The following UBA1 variants were observed in gnomAD, a reference collection of about 807,000 sequenced individuals.
UBA1 encodes ubiquitin like modifier activating enzyme 1, also known as ubiquitin-like modifier-activating enzyme 1.
UBA1 carries 4 observed loss-of-function variants against 84.7 expected under a neutral mutation model. The ratio of observed to expected loss-of-function variants is 0.05; its 90% CI spans 0.02 to 0.11. The LOEUF is 0.11. Among genes scored for constraint, UBA1 ranks in the 10% least tolerant of loss-of-function variants. UBA1 has a pLI of 1.00. For synonymous variants in UBA1, 364 were observed against 362.6 expected, an observed-to-expected ratio of 1.00 and a Z score of -0.04; for missense variants, 513 against 902.8, an observed-to-expected ratio of 0.57 and a Z score of 5.53.
chrX:47,197,946 A>G, intron 1 of UBA1: 1 of 825,468 alleles, frequency 1.2e-6, no homozygotes, highest in Non-Finnish European at 1.5e-6. Flanking sequence ...AGTGCTTACT[A>G]TGGCATCTGG....
chrX:47,207,081 T>A (rs1242817221), intron 16 of UBA1, among the ~76,000 whole-genome samples: 3 of 111,649 alleles, frequency 2.7e-5, no homozygotes, highest in Non-Finnish European at 3.8e-5. Context: ...GAGAACTACT[T>A]CTGTCTAACA....
intron 16 of UBA1, 81 bp downstream of exon 16, chrX:47,206,525 C>T: frequency 9.8e-7 from 1 of 1,023,495 alleles, no homozygotes; most frequent in Non-Finnish European, 1.4e-6. Context: ...CTTGCCTTGC[C>T]TTCAGATGTT....
At chrX:47,203,852 G>A (rs1936526996) in intron 14 of UBA1, among the ~76,000 whole-genome samples, 156 bp downstream of exon 14, 2 of 106,292 alleles carry the variant, frequency 1.9e-5, no homozygotes, top group Non-Finnish European at 1.9e-5. Context: ...GGGTTCAAGC[G>A]ATTCTCCTGC....
rs374015620 is a variant in UBA1, at chrX:47,198,790, T to C, written c.1-13T>C. 3.0e-5 allele frequency: 36 copies of C among 1,208,766 alleles called. No homozygotes were observed. In the African/African-American group the frequency reaches 6.1e-4, roughly 21 times the overall value. On this transcript the variant is annotated splice_polypyrimidine_tract_variant and intron_variant, in intron 1 of 25. Transcript: ENST00000335972. ...TGTGCTCCAGGGTCACCTCTGACCT[T>C]TTTTTCCTCCAGATGTCCAGCTCGC... is the stretch of plus-strand genomic sequence containing the variant.
Position 47,203,017 on chromosome X carries a change from A to G in UBA1, c.1308A>G (p.Lys436=). ...CCCTTGAGTGTCTCCCTGAGGACAAAGAGGTCCTCACAGAGGACAAGTGCC... is the reference window on the plus strand; with the variant it reads ...CCCTTGAGTGTCTCCCTGAGGACAAGGAGGTCCTCACAGAGGACAAGTGCC... ...FDALECLPED[K]EVLTEDKCLQ... Residue 436 remains lysine, a synonymous_variant, in exon 12 of 26, where the codon AAA becomes AAG. Transcript: ENST00000335972. The G allele has an allele frequency of 8.3e-7, 1 of 1,210,625 alleles. No individual in the cohort carries two copies. The highest frequency in any genetic ancestry group is 1.7e-5 in the African/African-American group (1 of 57,866).
chrX:47,209,747 G>A, intron 17 of UBA1, 60 bp downstream of exon 17: 1 of 1,152,930 alleles, frequency 8.7e-7, no homozygotes, highest in Non-Finnish European at 1.2e-6. Context: ...CATCCCGGCT[G>A]CTTTCCTCAT....
Position 47,203,029 on chromosome X carries a change from A to G in UBA1, c.1320A>G (p.Thr440=), listed in dbSNP as rs782550013. The change falls in exon 12 of 26, where the codon ACA becomes ACG. Residue 440 remains threonine (T), a synonymous_variant. Transcript: ENST00000335972. ...TCCCTGAGGACAAAGAGGTCCTCAC[A>G]GAGGACAAGTGCCTCCAGGTATGTG... ...ECLPEDKEVL[T]EDKCLQRQNR... 8.3e-7 allele frequency: 1 copy of G among 1,209,569 alleles called. No individual in the cohort carries two copies. The highest frequency in any genetic ancestry group is 1.1e-6 in the Non-Finnish European group (1 of 893,164).
At chrX:47,193,009 G>A (rs1320387391), upstream of UBA1, among the ~76,000 whole-genome samples, 1 of 111,516 alleles carries the variant, frequency 9.0e-6, no homozygotes, top group African/African-American at 3.3e-5. Context: ...GAGAATGGAG[G>A]GAGGCGTGGA....
At position 47,205,713 on chromosome X, in the gene UBA1, G is replaced by T; in HGVS notation, c.1576-235G>T. 1.6e-5 allele frequency: 7 copies of T among 436,711 alleles called. No homozygotes were observed. The South Asian group carries it at 2.3e-4, about 14-fold the overall frequency. 36.0% of individuals were successfully genotyped at this position (436,711 alleles called of 1,213,427 possible). A position where few individuals can be genotyped will look rare whatever the true frequency, so the allele number is the denominator to read the frequency against. On this transcript the variant is annotated intron_variant, in intron 14 of 25. Transcript: ENST00000335972. ...TACCAAAAATACAAAAATTAGCCAC[G>T]CATGGTGGCACACACCTGTGGTCCC...
intron 6 of UBA1, 28 bp from the exon 7 acceptor site, chrX:47,201,248 G>A: frequency 8.5e-7 from 1 of 1,171,658 alleles, no homozygotes; most frequent in Non-Finnish European, 1.2e-6. Flanking sequence ...TGGGACACAG[G>A]CACCAGCCCT....
rs71925003 is a variant in UBA1, at chrX:47,208,324, C to CGTGT, written c.1939-1283_1939-1280dup. ...CTGTGTGTACGTGTAAGTGTGTGTACGTGTGTGTGTGTGTGTGTGCGCACG... is the reference window on the plus strand; with the variant it reads ...CTGTGTGTACGTGTAAGTGTGTGTACGTGTGTGTGTGTGTGTGTGTGTGCGCACG... On this transcript the variant is annotated intron_variant, in intron 16 of 25. Coordinates refer to ENST00000335972, the MANE Select transcript of UBA1 (RefSeq NM_003334.4). Among the ~76,000 whole-genome samples, 409 of 107,272 alleles carry CGTGT rather than the reference C, an allele frequency of 3.8e-3. 1 individual carries two copies. Among genetic ancestry groups the CGTGT allele is most frequent in the African/African-American group, 0.013 (379 of 29,270 alleles). 93.2% of individuals were successfully genotyped at this position (107,272 alleles called of 115,157 possible).
At chrX:47,209,378 C>T (rs1323266459) in intron 16 of UBA1, 1 of 488,645 alleles carries the variant, frequency 2.0e-6, no homozygotes, top group African/African-American at 2.4e-5. Context: ...GGTCTCGAAC[C>T]CTTGACCTCA....
At chrX:47,197,074 C>T in intron 1 of UBA1, 2 of 749,484 alleles carry the variant, frequency 2.7e-6, no homozygotes, top group Non-Finnish European at 3.2e-6. Context: ...TTTGTCTCTA[C>T]TAACTCACCA....
upstream of UBA1, chrX:47,191,051 G>A (rs1936055651): frequency 8.9e-6 from 1 of 111,830 alleles, no homozygotes; most frequent in Admixed American, 9.4e-5. Context: ...CGTATTTGGA[G>A]CCTCCGGGCC....
chrX:47,212,185 G>A (rs1936952823), intron 20 of UBA1, among the ~76,000 whole-genome samples: 1 of 109,418 alleles, frequency 9.1e-6, no homozygotes, highest in Non-Finnish European at 1.9e-5. Flanking sequence ...TTTCATTTCC[G>A]TTCCTTAGTG....
chrX:47,198,978 A>T, intron 2 of UBA1, 59 bp downstream of exon 2: 3 of 1,203,929 alleles, frequency 2.5e-6, no homozygotes, highest in Non-Finnish European at 2.3e-6. Flanking sequence ...AGTCTTTTGT[A>T]TCACTGTCTG....
chrX:47,191,831 G>A (rs1936068903), upstream of UBA1: 1 of 111,800 alleles, frequency 8.9e-6, no homozygotes, highest in Non-Finnish European at 1.9e-5. Context: ...CGTGATCCGC[G>A]GTTAGCTTTC....
rs140311832 is a variant in UBA1, at chrX:47,196,470, G to A, written c.1-2333G>A. On this transcript the variant is annotated intron_variant, in intron 1 of 25. Coordinates refer to ENST00000335972, the MANE Select transcript of UBA1 (RefSeq NM_003334.4). Reference sequence around the variant, plus strand: ...GAAAATCTTCAGTTTGGAGACTCAGGTATGTTTAGAAACTAAGCCACAGCT... The same window carrying A: ...GAAAATCTTCAGTTTGGAGACTCAGATATGTTTAGAAACTAAGCCACAGCT... 2.3e-4 allele frequency among the ~76,000 whole-genome samples: 26 copies of A among 111,892 alleles called. No individual in the cohort carries two copies. The highest frequency in any genetic ancestry group is 4.1e-4 in the Non-Finnish European group (22 of 53,181).
rs782504319 is a variant in UBA1, at chrX:47,214,914, A to C, written c.3162A>C (p.Arg1054=). 1 of 1,210,503 alleles carries C rather than the reference A, an allele frequency of 8.3e-7. No homozygotes were observed. Among genetic ancestry groups the C allele is most frequent in the Non-Finnish European group, 1.1e-6 (1 of 895,406 alleles). ...SGEDVEVPYV[R]YTIR is the part of the protein sequence containing the mutation. Reference sequence around the variant, plus strand: ...AGGATGTCGAGGTTCCCTATGTCCGATACACCATCCGCTGACCCCGTCTGC... The same window carrying C: ...AGGATGTCGAGGTTCCCTATGTCCGCTACACCATCCGCTGACCCCGTCTGC... The change falls in exon 26 of 26, where the codon CGA becomes CGC. Residue 1054 remains arginine (R), a synonymous_variant. Transcript: ENST00000335972.
Sources: gnomAD v4.1 joint callset for allele counts (sites outside exome capture counted in the v4.1 genomes callset) on GRCh38, gnomAD v4.1.1 for gene constraint, MANE v1.5 for transcripts, NCBI Gene and HGNC (gene_info 2026-07-23, HGNC 2026-07-21) for gene names.